EIPR1: variants seen among roughly 807,000 people sequenced by gnomAD.
EIPR1 encodes the protein EARP and GARP complex-interacting protein 1.
A neutral mutation model predicts 48.1 loss-of-function variants in EIPR1; 25 were observed. That is an observed-to-expected ratio of 0.52 (90% confidence interval 0.38 to 0.73). EIPR1 has a LOEUF of 0.73. Among genes scored for constraint, EIPR1 ranks in the 30% least tolerant of loss-of-function variants. EIPR1 has a pLI of 0.00. For missense variants in EIPR1, 415 were observed against 506.2 expected, an observed-to-expected ratio of 0.82 and a Z score of 1.73; for synonymous variants, 204 against 201.9, an observed-to-expected ratio of 1.01 and a Z score of -0.09.
intron 5 of EIPR1, among the ~76,000 whole-genome samples, chr2:3,200,386 C>T (rs778855174): frequency 2.6e-5 from 4 of 152,182 alleles, no homozygotes; most frequent in Non-Finnish European, 4.4e-5. Flanking sequence ...TTTTGTTTTA[C>T]GATATCCCTG....
Position 3,199,071 on chromosome 2 carries a change from C to A in EIPR1, c.517-2054G>T, listed in dbSNP as rs1478207282. On this transcript the variant is annotated intron_variant, in intron 5 of 8. Coordinates refer to ENST00000382125, the MANE Select transcript of EIPR1 (RefSeq NM_003310.5). ...TGGCCATTTTAGAGGGCCCCCCCCC[C>A]GCCCCGGGAATGCATTCTTTTCCCG... 4.0e-5 allele frequency among the ~76,000 whole-genome samples: 2 copies of A among 50,408 alleles called. 1 individual carries two copies. The highest frequency in any genetic ancestry group is 1.3e-4 in the Non-Finnish European group (2 of 15,954). 33.1% of individuals were successfully genotyped at this position (50,408 alleles called of 152,430 possible). A position where few individuals can be genotyped will look rare whatever the true frequency, so the allele number is the denominator to read the frequency against.
intron 2 of EIPR1, among the ~76,000 whole-genome samples, chr2:3,350,032 C>A (rs1449691819): frequency 2.2e-5 from 3 of 139,290 alleles, no homozygotes; most frequent in Non-Finnish European, 4.5e-5. Context: ...GCAGGAGAAT[C>A]GCTTGAACCT....
chr2:3,203,151 G>A (rs1017507995), intron 5 of EIPR1, among the ~76,000 whole-genome samples: 1 of 152,240 alleles, frequency 6.6e-6, no homozygotes, highest in African/African-American at 2.4e-5. Flanking sequence ...TGACAGATGA[G>A]AAAACTGAGG....
chr2:3,258,467 G>A (rs961255535), intron 3 of EIPR1, among the ~76,000 whole-genome samples: 3 of 151,298 alleles, frequency 2.0e-5, no homozygotes, highest in African/African-American at 7.3e-5. Flanking sequence ...GATAACAAGT[G>A]AAGAACATAA....
chr2:3,258,195 G>A (rs1270322732), intron 3 of EIPR1, among the ~76,000 whole-genome samples: 5 of 152,332 alleles, frequency 3.3e-5, no homozygotes, highest in African/African-American at 1.2e-4. Context: ...AAGCCACTTT[G>A]TGGATAGAGA....
intron 3 of EIPR1, among the ~76,000 whole-genome samples, chr2:3,297,602 T>C (rs1490127109): frequency 6.6e-6 from 1 of 152,236 alleles, no homozygotes; most frequent in Non-Finnish European, 1.5e-5. Context: ...ACTTTTTCTG[T>C]AAAGGGCCAG....
At chr2:3,226,043 A>G (rs759932127) in intron 4 of EIPR1, among the ~76,000 whole-genome samples, 16 of 152,230 alleles carry the variant, frequency 1.1e-4, no homozygotes, top group Non-Finnish European at 2.2e-4. Context: ...CATCTGTCAA[A>G]TGGACAATTG....
intron 2 of EIPR1, among the ~76,000 whole-genome samples, chr2:3,341,566 G>A (rs1670249707): frequency 6.6e-6 from 1 of 151,964 alleles, no homozygotes; most frequent in Non-Finnish European, 1.5e-5. Context: ...GGGTGTGAGT[G>A]TGAGGCAGGT....
intron 3 of EIPR1, among the ~76,000 whole-genome samples, chr2:3,279,651 G>A (rs1233440716): frequency 6.6e-6 from 1 of 152,260 alleles, no homozygotes; most frequent in East Asian, 1.9e-4. Flanking sequence ...ACACTCAACA[G>A]AAGCGAGTTT....
At chr2:3,327,248 A>T (rs1669725237) in intron 3 of EIPR1, among the ~76,000 whole-genome samples, 1 of 152,142 alleles carries the variant, frequency 6.6e-6, no homozygotes, top group South Asian at 2.1e-4. Context: ...CAGTGGCATG[A>T]TCTCAGCCTA....
chr2:3,266,839 C>T (rs1667504421), intron 3 of EIPR1, among the ~76,000 whole-genome samples: 1 of 152,250 alleles, frequency 6.6e-6, no homozygotes, highest in Admixed American at 6.5e-5. Flanking sequence ...CCCTACTCCA[C>T]ATGCCAGAAA....
chr2:3,262,765 A>G (rs1667372581), intron 3 of EIPR1, among the ~76,000 whole-genome samples: 3 of 152,202 alleles, frequency 2.0e-5, no homozygotes, highest in Admixed American at 2.0e-4. Context: ...AACAGCTCTG[A>G]CCATGCCTCT....
In EIPR1 at chr2:3,192,399, A is replaced by C. The variant is rs769724217; in HGVS notation, c.989+15T>G. 1.3e-6 allele frequency: 2 copies of C among 1,594,430 alleles called. No individual in the cohort carries two copies. Among genetic ancestry groups the C allele is most frequent in the South Asian group, 2.3e-5 (2 of 88,272 alleles). On this transcript the variant is annotated intron_variant, in intron 8 of 8. Transcript: ENST00000382125. Reference sequence around the variant, plus strand: ...TCTGGTACAGCGTGAGCCACTCTGCAGTGCGTGCCCTTACTTCTCTTCAGA... The same window carrying C: ...TCTGGTACAGCGTGAGCCACTCTGCCGTGCGTGCCCTTACTTCTCTTCAGA...
chr2:3,270,845 C>T (rs1667682008), intron 3 of EIPR1, among the ~76,000 whole-genome samples: 1 of 152,186 alleles, frequency 6.6e-6, no homozygotes, highest in African/African-American at 2.4e-5. Context: ...AATGAAGTTT[C>T]TGCATCTATT....
At chr2:3,331,279 G>A (rs1174800177) in intron 3 of EIPR1, among the ~76,000 whole-genome samples, 2 of 94,578 alleles carry the variant, frequency 2.1e-5, no homozygotes, top group Non-Finnish European at 4.1e-5. Flanking sequence ...GTGAGCAGAG[G>A]CAGGTGTGTA....
At chr2:3,266,377 T>C (rs1242372181) in intron 3 of EIPR1, among the ~76,000 whole-genome samples, 1 of 152,250 alleles carries the variant, frequency 6.6e-6, no homozygotes. Flanking sequence ...GCTCACCTGA[T>C]GCAGGTACGC....
intron 2 of EIPR1, chr2:3,353,198 G>T (rs1316363717): frequency 2.1e-6 from 1 of 470,814 alleles, no homozygotes; most frequent in Non-Finnish European, 4.4e-6. Context: ...TTAGGGTTCA[G>T]TACTCACCAA....
At chr2:3,330,649 C>T (rs897869767) in intron 3 of EIPR1, among the ~76,000 whole-genome samples, 10 of 149,520 alleles carry the variant, frequency 6.7e-5, no homozygotes, top group African/African-American at 2.3e-4. Flanking sequence ...ACTCATAAGA[C>T]AGTGTGAGAA....
intron 3 of EIPR1, among the ~76,000 whole-genome samples, chr2:3,299,937 C>T (rs867407342): frequency 1.3e-5 from 2 of 152,136 alleles, no homozygotes; most frequent in African/African-American, 2.4e-5. Flanking sequence ...AAATTTATGA[C>T]GCAAGAGTCA....
Sources: gnomAD v4.1 joint callset for allele counts (sites outside exome capture counted in the v4.1 genomes callset) on GRCh38, gnomAD v4.1.1 for gene constraint, MANE v1.5 for transcripts, NCBI Gene and HGNC (gene_info 2026-07-23, HGNC 2026-07-21) for gene names.